Variants in GRAMD1B observed in about 807,000 individuals in gnomAD.
GRAMD1B encodes the protein GRAM domain containing 1B, also known as protein Aster-B.
GRAMD1B carries 37 observed loss-of-function variants against 99.7 expected under a neutral mutation model. That is an observed-to-expected ratio of 0.37 (90% CI 0.29 to 0.49). The LOEUF (loss-of-function observed/expected upper bound fraction) is 0.49, where lower values mean the gene tolerates loss of function less well. Among genes scored for constraint, GRAMD1B ranks in the 20% least tolerant of loss-of-function variants. GRAMD1B has a pLI of 0.98. For synonymous variants in GRAMD1B, 427 were observed against 387.6 expected (o/e 1.10, Z -1.19); for missense variants, 888 against 1,009.2 (o/e 0.88, Z 1.63).
intron 1 of GRAMD1B, among the ~76,000 whole-genome samples, chr11:123,466,056 A>C (rs964829561): frequency 6.6e-6 from 1 of 152,012 alleles, no homozygotes; most frequent in South Asian, 2.1e-4. Context: ...CGGGCGGATC[A>C]CTTGAGGTCA....
At chr11:123,435,737 A>C in intron 1 of GRAMD1B, 1 of 358,276 alleles carries the variant, frequency 2.8e-6, no homozygotes, top group Non-Finnish European at 5.0e-6. Flanking sequence ...TCTTTTATTC[A>C]TGAGTGTGGG....
intron 1 of GRAMD1B, among the ~76,000 whole-genome samples, chr11:123,390,650 G>T (rs1251727269): frequency 2.0e-5 from 3 of 152,082 alleles, no homozygotes; most frequent in Non-Finnish European, 4.4e-5. Context: ...AACCTTTCCA[G>T]GTAATTTTTC....
intron 1 of GRAMD1B, among the ~76,000 whole-genome samples, chr11:123,444,698 G>T (rs1372642398): frequency 6.6e-6 from 1 of 152,060 alleles, no homozygotes; most frequent in African/African-American, 2.4e-5. Flanking sequence ...ATTGCAGGGG[G>T]TTAGATGGGG....
chr11:123,597,017 G>T (rs760933334), intron 7 of GRAMD1B, among the ~76,000 whole-genome samples: 1 of 152,098 alleles, frequency 6.6e-6, no homozygotes, highest in Non-Finnish European at 1.5e-5. Flanking sequence ...GAAGAAACAG[G>T]TAGACAGACC....
rs1359796809 is a variant in GRAMD1B at position 123,587,969 on chromosome 11, T to C, written c.684+3637T>C. ...ACTTGAAGGGTCTTCCTGCCTCCCT[T>C]CCTGAGTTTTTCAGATGAGCCCCCA... On this transcript the variant is annotated intron_variant, in intron 4 of 19. Transcript: ENST00000635736. This position sits in a 1 kb window ranked among gnomAD's most constrained non-coding sequence, Gnocchi z 4.2. Among the ~76,000 whole-genome samples, 1 of 151,762 alleles carries C rather than the reference T, an allele frequency of 6.6e-6. No homozygotes were observed. The highest frequency in any genetic ancestry group is 2.4e-5 in the African/African-American group (1 of 41,266).
intron 1 of GRAMD1B, among the ~76,000 whole-genome samples, chr11:123,361,198 A>C (rs1946136236): frequency 6.6e-6 from 1 of 152,058 alleles, no homozygotes; most frequent in African/African-American, 2.4e-5. Context: ...TAGTCATTTG[A>C]TGTCCTTGCA....
At chr11:123,359,787 A>T (rs1946077659) in intron 1 of GRAMD1B, among the ~76,000 whole-genome samples, 2 of 152,122 alleles carry the variant, frequency 1.3e-5, no homozygotes, top group African/African-American at 4.8e-5. Context: ...AAAATAATAA[A>T]ATGTTTCATG....
intron 1 of GRAMD1B, among the ~76,000 whole-genome samples, chr11:123,436,520 G>T (rs1211945984): frequency 1.3e-5 from 2 of 152,192 alleles, no homozygotes; most frequent in Non-Finnish European, 2.9e-5. Flanking sequence ...CAGGTATTGA[G>T]ATCCTATATG....
intron 1 of GRAMD1B, among the ~76,000 whole-genome samples, chr11:123,359,834 A>G (rs1246594456): frequency 1.3e-5 from 2 of 152,246 alleles, no homozygotes; most frequent in East Asian, 1.9e-4. Context: ...ACTCTGGGCA[A>G]GGACAAAGAA....
chr11:123,397,481 G>A (rs1947507344), intron 1 of GRAMD1B, among the ~76,000 whole-genome samples: 1 of 151,990 alleles, frequency 6.6e-6, no homozygotes, highest in Non-Finnish European at 1.5e-5. Flanking sequence ...TCATTGATTT[G>A]CTGTCACTAG....
In GRAMD1B at chr11:123,364,029, GTTCAGAAGGC is replaced by G. The variant is rs144359629; in HGVS notation, c.-176+5234_-176+5243del. On this transcript the variant is annotated intron_variant, in intron 1 of 20. Coordinates refer to the GRAMD1B transcript ENST00000638157. ...TGGGTGGATGTAAAAATGTGAGACTGTTCAGAAGGCTTCTCACTGCCATGCACGTGTTTGT... is the reference window on the plus strand; with the variant it reads ...TGGGTGGATGTAAAAATGTGAGACTGTTCTCACTGCCATGCACGTGTTTGT... 1.2e-3 allele frequency among the ~76,000 whole-genome samples: 179 copies of G among 152,304 alleles called. 2 individuals carry two copies. In the East Asian group the frequency reaches 0.03, roughly 25 times the overall value.
chr11:123,434,230 CAAAAAAAAAA>C (rs33942028), intron 1 of GRAMD1B, among the ~76,000 whole-genome samples: 1 of 73,008 alleles, frequency 1.4e-5, no homozygotes, highest in Non-Finnish European at 2.5e-5. Context: ...ACTCCGTTTC[CAAAAAAAAAA>C]AAAAAAAAAA....
rs115121749 is a variant in GRAMD1B at position 123,478,250 on chromosome 11, G to A, written c.375-2566G>A. Among the ~76,000 whole-genome samples, 294 of 152,036 alleles carry A rather than the reference G, an allele frequency of 1.9e-3. 1 individual carries two copies. Among genetic ancestry groups the A allele is most frequent in the African/African-American group, 6.6e-3 (275 of 41,458 alleles). ...TGATCAGGAACTCCTGGGTTTGAGCGATCCTCCGGTCTCAGCCTCCCAAAG... is the reference window on the plus strand; with the variant it reads ...TGATCAGGAACTCCTGGGTTTGAGCAATCCTCCGGTCTCAGCCTCCCAAAG... On this transcript the variant is annotated intron_variant, in intron 1 of 19. Coordinates refer to ENST00000635736, the MANE Select transcript of GRAMD1B (RefSeq NM_001387025.1).
At chr11:123,577,905 G>A (rs958155075) in intron 3 of GRAMD1B, among the ~76,000 whole-genome samples, 6 of 152,012 alleles carry the variant, frequency 3.9e-5, no homozygotes, top group Non-Finnish European at 7.4e-5. Context: ...TCCTAGAGCC[G>A]GGGTAGAAGG....
chr11:123,575,063 G>C (rs1291779593), intron 2 of GRAMD1B, among the ~76,000 whole-genome samples: 2 of 144,238 alleles, frequency 1.4e-5, no homozygotes, highest in African/African-American at 5.1e-5. Flanking sequence ...GTAGATCTTT[G>C]CATGGTGTGT....
intron 2 of GRAMD1B, among the ~76,000 whole-genome samples, chr11:123,483,051 A>C (rs1174653760): frequency 6.7e-6 from 1 of 150,290 alleles, no homozygotes; most frequent in Admixed American, 6.6e-5. Context: ...AAAAAAAAAG[A>C]GTTGGTTGAA....
intron 2 of GRAMD1B, among the ~76,000 whole-genome samples, chr11:123,518,325 C>T (rs1030308579): frequency 2.6e-5 from 4 of 152,088 alleles, no homozygotes; most frequent in African/African-American, 4.8e-5. Flanking sequence ...TGGGATAGAG[C>T]GGGGAATCCT....
At chr11:123,595,355 C>G (rs1951146998) in intron 6 of GRAMD1B, among the ~76,000 whole-genome samples, 2 of 151,578 alleles carry the variant, frequency 1.3e-5, no homozygotes, top group Non-Finnish European at 2.9e-5. Flanking sequence ...AATCTTGGCT[C>G]CCTGCAACCT....
At chr11:123,401,294 T>C (rs1205021688) in intron 1 of GRAMD1B, among the ~76,000 whole-genome samples, 7 of 152,038 alleles carry the variant, frequency 4.6e-5, no homozygotes, top group Non-Finnish European at 1.0e-4. Context: ...GAGCGGAGGG[T>C]ATTTGGCTAT....
Sources: allele counts gnomAD v4.1 joint callset (sites outside exome capture counted in the v4.1 genomes callset), GRCh38; gene constraint gnomAD v4.1.1; non-coding constraint Gnocchi (gnomAD v3.1); transcripts MANE v1.5; gene names NCBI Gene and HGNC (gene_info 2026-07-23, HGNC 2026-07-21).